Variants in STAU2 observed in about 807,000 individuals in gnomAD.
The protein encoded by STAU2 is double-stranded RNA-binding protein Staufen homolog 2.
Under a neutral mutation model 65.9 loss-of-function variants are expected in STAU2, and 20 were observed. The ratio of observed to expected loss-of-function variants is 0.30; its 90% confidence interval spans 0.21 to 0.44. STAU2 has a LOEUF of 0.44. STAU2 is among the 20% of genes least tolerant of loss of function. The probability of loss-of-function intolerance (pLI) is 1.00; values close to 1 mark genes in which losing one functional copy is unlikely to be tolerated. For synonymous variants in STAU2, 232 were observed against 233.9 expected (o/e 0.99, Z 0.07); for missense variants, 558 against 683.9 (o/e 0.82, Z 2.05).
At chr8:73,731,380 T>G (rs1035847796) in intron 3 of STAU2, among the ~76,000 whole-genome samples, 1 of 152,148 alleles carries the variant, frequency 6.6e-6, no homozygotes, top group African/African-American at 2.4e-5. Context: ...TCTTTTTATC[T>G]CAGTAGGACT....
Position 73,668,352 on chromosome 8 carries a change from T to A in STAU2, c.410+4755A>T, listed in dbSNP as rs185354735. ...CTCCCCAAGAGATATCCCAGTTACA[T>A]AGCTCAAAAATTCCCATTTGCACAT... On this transcript the variant is annotated intron_variant, in intron 6 of 14. Coordinates refer to ENST00000524300, the MANE Select transcript of STAU2 (RefSeq NM_001164380.2). 1.3e-3 allele frequency among the ~76,000 whole-genome samples: 192 copies of A among 152,308 alleles called. 2 individuals are homozygous for A. Among genetic ancestry groups the A allele is most frequent in the African/African-American group, 4.0e-3 (167 of 41,570 alleles).
intron 13 of STAU2, among the ~76,000 whole-genome samples, chr8:73,504,534 C>G (rs1294638664): frequency 6.6e-6 from 1 of 151,860 alleles, no homozygotes; most frequent in African/African-American, 2.4e-5. Context: ...TTCAAAATGA[C>G]AGTTTTGGGG....
intron 4 of STAU2, among the ~76,000 whole-genome samples, chr8:73,701,936 G>T (rs977195140): frequency 6.6e-6 from 1 of 152,148 alleles, no homozygotes; most frequent in African/African-American, 2.4e-5. Context: ...AACATGGATA[G>T]AACTGGACGT....
At chr8:73,489,243 T>C (rs1448648394) in intron 13 of STAU2, among the ~76,000 whole-genome samples, 1 of 151,896 alleles carries the variant, frequency 6.6e-6, no homozygotes, top group Non-Finnish European at 1.5e-5. Flanking sequence ...AGAGAGCAAA[T>C]GACAATGAAA....
At chr8:73,637,826 C>CA (rs1814662363) in intron 6 of STAU2, among the ~76,000 whole-genome samples, 1 of 151,802 alleles carries the variant, frequency 6.6e-6, no homozygotes, top group Non-Finnish European at 1.5e-5. Context: ...TAGACTAAAG[C>CA]AAAAAATCAT....
chr8:73,438,585 G>A (rs1367359257), intron 13 of STAU2, among the ~76,000 whole-genome samples: 4 of 152,254 alleles, frequency 2.6e-5, no homozygotes, highest in Non-Finnish European at 5.9e-5. Context: ...TTATTCTGGG[G>A]AAGGCTGGGC....
At chr8:73,457,184 GAGAAT>G (rs1819115375) in intron 13 of STAU2, among the ~76,000 whole-genome samples, 2 of 151,818 alleles carry the variant, frequency 1.3e-5, no homozygotes, top group African/African-American at 4.8e-5. Context: ...GGAAAATGGC[GAGAAT>G]ACTAAAGAGA....
chr8:73,448,141 T>C (rs1359202549), intron 13 of STAU2, among the ~76,000 whole-genome samples: 1 of 152,174 alleles, frequency 6.6e-6, no homozygotes, highest in Non-Finnish European at 1.5e-5. Flanking sequence ...TGCCATAAAC[T>C]GATCCTCTCC....
chr8:73,713,497 C>G (rs919651449), intron 3 of STAU2, among the ~76,000 whole-genome samples: 2 of 151,996 alleles, frequency 1.3e-5, no homozygotes, highest in Non-Finnish European at 2.9e-5. Flanking sequence ...ACAAAAACTC[C>G]TTAGACAAAG....
At chr8:73,701,409 G>A (rs1820092022) in intron 4 of STAU2, among the ~76,000 whole-genome samples, 1 of 152,028 alleles carries the variant, frequency 6.6e-6, no homozygotes, top group Admixed American at 6.6e-5. Flanking sequence ...AAATATATAA[G>A]AAGCTCAAAT....
Position 73,715,070 on chromosome 8 carries a change from G to A in STAU2, c.-17-5908C>T, listed in dbSNP as rs1450236924. Among the ~76,000 whole-genome samples, 21 of 140,146 alleles carry A rather than the reference G, an allele frequency of 1.5e-4. 1 individual carries two copies. The highest frequency in any genetic ancestry group is 2.0e-4 in the Non-Finnish European group (13 of 66,288). 91.9% of individuals were successfully genotyped at this position (140,146 alleles called of 152,430 possible). ...TGCACTCCACCCTAAGCAACAGAGC[G>A]AGACTCCGTCTCAAAAAAAAAAAAA... On this transcript the variant is annotated intron_variant, in intron 3 of 14. Coordinates refer to ENST00000524300, the MANE Select transcript of STAU2 (RefSeq NM_001164380.2).
At chr8:73,728,843 T>C (rs558046886) in intron 3 of STAU2, among the ~76,000 whole-genome samples, 2 of 152,320 alleles carry the variant, frequency 1.3e-5, no homozygotes, top group South Asian at 2.1e-4. Flanking sequence ...GGATTTTCTA[T>C]ATATAGGACC....
chr8:73,657,883 G>A (rs1022439642), intron 6 of STAU2, among the ~76,000 whole-genome samples: 27 of 151,728 alleles, frequency 1.8e-4, no homozygotes, highest in South Asian at 8.3e-4. Context: ...GTGTGGTGGC[G>A]CACACCTGTA....
rs189730535 is a variant in STAU2 at position 73,562,497 on chromosome 8, A to G, written c.1223-10178T>C. On this transcript the variant is annotated intron_variant, in intron 12 of 14. Coordinates refer to ENST00000524300, the MANE Select transcript of STAU2 (RefSeq NM_001164380.2). ...CTCTTTAAAAAAGATAGAGAGAGAG[A>G]GAGACTGAGATTTTTCTCACTGTAA... 1.9e-3 allele frequency among the ~76,000 whole-genome samples: 296 copies of G among 152,286 alleles called. 1 individual carries two copies. Among genetic ancestry groups the G allele is most frequent in the African/African-American group, 6.9e-3 (287 of 41,560 alleles).
rs1438375708 is a variant in STAU2, at chr8:73,598,932, G to A, written c.1030-3635C>T. ...AATGAAAATCAAATACCTATGATGT[G>A]CAAATCTTCTACATAGAAAACAAAG... On this transcript the variant is annotated intron_variant, in intron 10 of 14. Transcript: ENST00000524300. Among the ~76,000 whole-genome samples, 6 of 152,078 alleles carry A rather than the reference G, an allele frequency of 3.9e-5. No individual in the cohort carries two copies. The East Asian group carries it at 1.2e-3, about 29-fold the overall frequency.
At chr8:73,734,219 G>C (rs1395968803) in intron 3 of STAU2, among the ~76,000 whole-genome samples, 1 of 129,892 alleles carries the variant, frequency 7.7e-6, no homozygotes, top group Non-Finnish European at 1.6e-5. Flanking sequence ...TTTTTTGTTT[G>C]TTTTTCAGGG....
At chr8:73,641,707 C>G (rs536687187) in intron 6 of STAU2, among the ~76,000 whole-genome samples, 1 of 152,290 alleles carries the variant, frequency 6.6e-6, no homozygotes, top group Non-Finnish European at 1.5e-5. Flanking sequence ...TTGGTTTAAT[C>G]TGGTATTGTC....
At chr8:73,460,983 C>T (rs921875306) in intron 13 of STAU2, among the ~76,000 whole-genome samples, 1 of 152,156 alleles carries the variant, frequency 6.6e-6, no homozygotes, top group South Asian at 2.1e-4. Flanking sequence ...TCTCCTCTCT[C>T]CACACTATTT....
chr8:73,662,859 A>G (rs1318539441), intron 6 of STAU2, among the ~76,000 whole-genome samples: 1 of 151,350 alleles, frequency 6.6e-6, no homozygotes, highest in Non-Finnish European at 1.5e-5. Context: ...CAGGTAATCC[A>G]CCTGCCTCAG....
Sources: allele counts gnomAD v4.1 joint callset (sites outside exome capture counted in the v4.1 genomes callset), GRCh38; gene constraint gnomAD v4.1.1; transcripts MANE v1.5; gene names NCBI Gene and HGNC (gene_info 2026-07-23, HGNC 2026-07-21).